Variants in ARL15 observed in about 807,000 individuals in gnomAD.
The protein encoded by ARL15 is ADP-ribosylation factor-like protein 15.
In ARL15, 19 loss-of-function variants were observed where a neutral mutation model predicts 25.2. That is an observed-to-expected ratio of 0.75 (90% CI 0.53 to 1.10). ARL15 has a LOEUF of 1.10. ARL15 is among the 50% of genes least tolerant of loss of function. ARL15 has a pLI of 0.00. For missense variants in ARL15, 220 were observed against 246.0 expected (o/e 0.89, Z 0.71); for synonymous variants, 94 against 86.8 (o/e 1.08, Z -0.46).
At chr5:53,930,380 T>G (rs1006102540) in intron 4 of ARL15, among the ~76,000 whole-genome samples, 1 of 152,216 alleles carries the variant, frequency 6.6e-6, no homozygotes, top group Non-Finnish European at 1.5e-5. Flanking sequence ...CAGCTTGAAT[T>G]TGGTATCACC....
chr5:54,164,103 T>G (rs1387004144), intron 2 of ARL15, among the ~76,000 whole-genome samples: 1 of 152,090 alleles, frequency 6.6e-6, no homozygotes, highest in Non-Finnish European at 1.5e-5. Flanking sequence ...AAATCCTTTA[T>G]AATTTCTCTT....
chr5:54,027,965 G>T (rs1482821336), intron 4 of ARL15, among the ~76,000 whole-genome samples: 1 of 151,844 alleles, frequency 6.6e-6, no homozygotes, highest in Non-Finnish European at 1.5e-5. Context: ...CACCCAGGCT[G>T]GAGTGCAGAG....
chr5:53,995,076 C>T (rs1479752597), intron 4 of ARL15, among the ~76,000 whole-genome samples: 1 of 151,924 alleles, frequency 6.6e-6, no homozygotes, highest in Non-Finnish European at 1.5e-5. Context: ...TTTGGGAGGC[C>T]GAGGCAGGCA....
chr5:53,926,913 T>C lies in ARL15; in HGVS notation c.463-40200A>G, dbSNP rs566265564. Among the ~76,000 whole-genome samples the C allele has an allele frequency of 2.0e-5, 3 of 151,856 alleles. No individual in the cohort carries two copies. In the East Asian group the frequency reaches 5.8e-4, roughly 29 times the overall value. ...GGTAAAGACCTCACATGTTGAACTA[T>C]TTGGTTAAACCTTCAGTCACCAAGA... On this transcript the variant is annotated intron_variant, in intron 4 of 4. Transcript: ENST00000504924.
intron 4 of ARL15, among the ~76,000 whole-genome samples, chr5:54,028,111 C>T (rs1450500356): frequency 2.6e-5 from 4 of 151,818 alleles, no homozygotes; most frequent in African/African-American, 4.8e-5. Context: ...TTAGTAAAGA[C>T]GGGGTTTCAC....
chr5:53,951,741 T>A (rs559274353), intron 4 of ARL15: 40 of 300,006 alleles, frequency 1.3e-4, no homozygotes, highest in African/African-American at 9.4e-4. Flanking sequence ...TTTCCATGAA[T>A]CTTTTTCAAG....
chr5:53,896,191 G>A (rs35833524), intron 4 of ARL15, among the ~76,000 whole-genome samples: 3,696 of 152,094 alleles, frequency 0.024, 65 homozygotes, highest in Middle Eastern at 0.041. Context: ...GCACTGCCAC[G>A]TCCCGCTAAT....
intron 4 of ARL15, among the ~76,000 whole-genome samples, chr5:54,099,037 C>T (rs142596301): frequency 2.0e-5 from 3 of 152,236 alleles, no homozygotes; most frequent in Non-Finnish European, 2.9e-5. Flanking sequence ...CTGTCAATCA[C>T]GTTAGGAGCA....
At position 54,284,325 on chromosome 5, in the gene ARL15, G is replaced by A. The variant is rs557918346; in HGVS notation, c.48+26107C>T. ...TTGCCATGTTTCCCAGGCTGGTCTC[G>A]AACTCCTGAGCTCAAGTAATCCACC... On this transcript the variant is annotated intron_variant, in intron 1 of 4. Transcript: ENST00000504924. 6.6e-5 allele frequency among the ~76,000 whole-genome samples: 10 copies of A among 152,168 alleles called. No individual in the cohort carries two copies. In the South Asian group the frequency reaches 1.9e-3, roughly 28 times the overall value.
chr5:53,998,874 A>T (rs1748768775), intron 4 of ARL15, among the ~76,000 whole-genome samples: 2 of 152,232 alleles, frequency 1.3e-5, no homozygotes, highest in Admixed American at 6.5e-5. Flanking sequence ...CAAAAGAGGG[A>T]TGTCCCAAAT....
chr5:53,968,381 G>A (rs1238711833), intron 4 of ARL15, among the ~76,000 whole-genome samples: 3 of 152,248 alleles, frequency 2.0e-5, no homozygotes, highest in Admixed American at 2.0e-4. Context: ...ACATTCGTGG[G>A]AGGATGAGGC....
At chr5:53,932,036 C>T (rs772535873) in intron 4 of ARL15, among the ~76,000 whole-genome samples, 8 of 152,164 alleles carry the variant, frequency 5.3e-5, no homozygotes, top group Non-Finnish European at 7.3e-5. Flanking sequence ...ACATAATGCA[C>T]GGTTTCTAGA....
At chr5:53,984,788 T>C (rs750571170) in intron 4 of ARL15, among the ~76,000 whole-genome samples, 3 of 152,204 alleles carry the variant, frequency 2.0e-5, no homozygotes, top group Non-Finnish European at 4.4e-5. Flanking sequence ...AAAACCCTTA[T>C]TTATACATTC....
At chr5:54,081,095 T>A (rs1203261144) in intron 4 of ARL15, among the ~76,000 whole-genome samples, 2 of 152,202 alleles carry the variant, frequency 1.3e-5, no homozygotes, top group Non-Finnish European at 2.9e-5. Flanking sequence ...AATATAGTCA[T>A]GTTGGGTGTT....
At chr5:54,099,833 A>C (rs890458685) in intron 4 of ARL15, among the ~76,000 whole-genome samples, 1 of 152,174 alleles carries the variant, frequency 6.6e-6, no homozygotes, top group African/African-American at 2.4e-5. Flanking sequence ...CCCATTTTAC[A>C]GATGAGAAAA....
At chr5:53,893,808 GAGATAA>G (rs1016279054) in intron 4 of ARL15, among the ~76,000 whole-genome samples, 1 of 152,210 alleles carries the variant, frequency 6.6e-6, no homozygotes, top group African/African-American at 2.4e-5. Context: ...ACAGGGTCTG[GAGATAA>G]AGTGGCAGGG....
intron 1 of ARL15, among the ~76,000 whole-genome samples, chr5:54,193,764 T>C (rs1755471813): frequency 6.6e-6 from 1 of 150,964 alleles, no homozygotes; most frequent in Non-Finnish European, 1.5e-5. Flanking sequence ...TACTTCGACT[T>C]ATGTACTCTG....
intron 1 of ARL15, among the ~76,000 whole-genome samples, chr5:54,200,241 A>G (rs1287294094): frequency 6.6e-6 from 1 of 151,916 alleles, no homozygotes; most frequent in East Asian, 1.9e-4. Context: ...ACATGTATAC[A>G]TATGTAAGTA....
chr5:54,100,072 A>G (rs1045887457), intron 4 of ARL15, among the ~76,000 whole-genome samples: 1 of 152,184 alleles, frequency 6.6e-6, no homozygotes, highest in African/African-American at 2.4e-5. Flanking sequence ...ATGTACAAAG[A>G]TATTTATCAA....
Sources: gnomAD v4.1 joint callset for allele counts (sites outside exome capture counted in the v4.1 genomes callset) on GRCh38, gnomAD v4.1.1 for gene constraint, MANE v1.5 for transcripts, NCBI Gene and HGNC (gene_info 2026-07-23, HGNC 2026-07-21) for gene names.